GPR137C: variants seen among roughly 807,000 people sequenced by gnomAD.
GPR137C encodes the protein G protein-coupled receptor 137C, also known as integral membrane protein GPR137C.
A neutral mutation model predicts 43.4 loss-of-function variants in GPR137C; 27 were observed. The observed-to-expected ratio is 0.62, with a 90% CI of 0.46 to 0.86. GPR137C has a LOEUF of 0.86. Among genes scored for constraint, GPR137C ranks in the 40% least tolerant of loss-of-function variants. GPR137C has a pLI of 0.00. For synonymous variants in GPR137C, 285 were observed against 226.9 expected, an observed-to-expected ratio of 1.26 and a Z score of -2.30; for missense variants, 522 against 534.6, an observed-to-expected ratio of 0.98 and a Z score of 0.23.
intron 4 of GPR137C, 38 bp downstream of exon 4, chr14:52,632,347 A>G (rs775611227): frequency 6.8e-6 from 10 of 1,469,832 alleles, no homozygotes. Context: ...TAACAATGTG[A>G]TAATTAACTT....
At chr14:52,629,749 T>G (rs764537522) in intron 3 of GPR137C, among the ~76,000 whole-genome samples, 2 of 152,170 alleles carry the variant, frequency 1.3e-5, no homozygotes, top group African/African-American at 2.4e-5. Flanking sequence ...TGGTGGAGAT[T>G]TGGGTTACAT....
chr14:52,624,768 A>G lies in GPR137C; in HGVS notation c.718-7392A>G, dbSNP rs374100100. 5.9e-5 allele frequency among the ~76,000 whole-genome samples: 9 copies of G among 152,134 alleles called. No individual in the cohort carries two copies. In the East Asian group the frequency reaches 1.7e-3, roughly 29 times the overall value. On this transcript the variant is annotated intron_variant, in intron 3 of 6. Transcript: ENST00000321662. ...ATAATAAAGATAAAAATAGAAATCAATGAAATAGGAAACAAAAAATGGAGA... is the reference window on the plus strand; with the variant it reads ...ATAATAAAGATAAAAATAGAAATCAGTGAAATAGGAAACAAAAAATGGAGA...
intron 1 of GPR137C, among the ~76,000 whole-genome samples, chr14:52,571,745 AAGATC>A (rs1348564482): frequency 6.6e-6 from 1 of 152,200 alleles, no homozygotes; most frequent in East Asian, 1.9e-4. Context: ...AGAAATAACT[AAGATC>A]AGAGCAGAAC....
Position 52,553,685 on chromosome 14 carries a change from C to T in GPR137C, c.444+94C>T, listed in dbSNP as rs915048021. The stretch of plus-strand genomic sequence containing the variant: ...AGGACCAGCGGGGGCGGGGGGTGGG[C>T]AGCGAGAGGCGGACTGGAAACCAGC... On this transcript the variant is annotated intron_variant, in intron 1 of 6. Transcript: ENST00000321662. 1.9e-5 allele frequency: 18 copies of T among 961,158 alleles called. No homozygotes were observed. The African/African-American group carries it at 2.0e-4, about 11-fold the overall frequency. The allele number at this position is 961,158 out of a possible 1,614,324, so 59.5% of individuals were successfully genotyped here.
intron 3 of GPR137C, among the ~76,000 whole-genome samples, chr14:52,626,703 C>T (rs2039231081): frequency 1.3e-5 from 2 of 151,952 alleles, no homozygotes; most frequent in South Asian, 4.1e-4. Context: ...TTGCAGATAA[C>T]AATTGTTTAA....
At chr14:52,568,592 A>C (rs1249197581) in intron 1 of GPR137C, among the ~76,000 whole-genome samples, 1 of 152,108 alleles carries the variant, frequency 6.6e-6, no homozygotes, top group Non-Finnish European at 1.5e-5. Flanking sequence ...GACCTGAGAC[A>C]CTGGAGCTTG....
At chr14:52,563,880 C>G (rs1451727584) in intron 1 of GPR137C, among the ~76,000 whole-genome samples, 4 of 152,246 alleles carry the variant, frequency 2.6e-5, no homozygotes, top group Non-Finnish European at 5.9e-5. Context: ...TTGACTAGTC[C>G]ATGGCAGTTA....
chr14:52,621,044 A>G (rs529375889), intron 3 of GPR137C, among the ~76,000 whole-genome samples: 3 of 152,054 alleles, frequency 2.0e-5, no homozygotes, highest in East Asian at 3.9e-4. Context: ...CATAAATTAT[A>G]AATTTATGTC....
chr14:52,557,053 A>G (rs1456991648), intron 1 of GPR137C, among the ~76,000 whole-genome samples: 3 of 152,182 alleles, frequency 2.0e-5, no homozygotes, highest in Non-Finnish European at 2.9e-5. Context: ...TAATACTTCA[A>G]ATAACATGCA....
rs929543125 is a variant in GPR137C, at chr14:52,553,088, G to C, written c.-60G>C. 9 of 959,230 alleles carry C rather than the reference G, an allele frequency of 9.4e-6. No individual in the cohort carries two copies. Among genetic ancestry groups the C allele is most frequent in the Non-Finnish European group, 1.2e-5 (9 of 770,014 alleles). The allele number at this position is 959,230 out of a possible 1,614,324, so 59.4% of individuals were successfully genotyped here. A position where few individuals can be genotyped will look rare whatever the true frequency, so the allele number is the denominator to read the frequency against. ...GGGGGCAGTCCTTCTCCCCTTCGACGGCGGCTCCGAGTCCAGCCCCTTCCT... is the reference window on the plus strand; with the variant it reads ...GGGGGCAGTCCTTCTCCCCTTCGACCGCGGCTCCGAGTCCAGCCCCTTCCT... On this transcript the variant is annotated 5_prime_UTR_variant, in exon 1 of 7. Transcript: ENST00000321662.
chr14:52,580,034 T>C (rs1566609420), intron 1 of GPR137C, among the ~76,000 whole-genome samples: 1 of 152,186 alleles, frequency 6.6e-6, no homozygotes, highest in African/African-American at 2.4e-5. Context: ...AGGCCAACTT[T>C]ATAAGCAGTC....
chr14:52,630,202 T>G (rs1280887145), intron 3 of GPR137C, among the ~76,000 whole-genome samples: 1 of 152,200 alleles, frequency 6.6e-6, no homozygotes, highest in Non-Finnish European at 1.5e-5. Flanking sequence ...CATTATTGCT[T>G]CTTTGCTCTT....
At chr14:52,609,910 C>G (rs1442992604) in intron 3 of GPR137C, among the ~76,000 whole-genome samples, 1 of 152,170 alleles carries the variant, frequency 6.6e-6, no homozygotes, top group Non-Finnish European at 1.5e-5. Flanking sequence ...ATTCCCCTAC[C>G]ACTATCACTC....
intron 3 of GPR137C, among the ~76,000 whole-genome samples, chr14:52,609,552 A>T (rs1303705676): frequency 6.6e-6 from 1 of 152,190 alleles, no homozygotes; most frequent in Non-Finnish European, 1.5e-5. Context: ...GGCCTTCTTC[A>T]GAGGGCCTTC....
chr14:52,570,930 C>A (rs1055002310), intron 1 of GPR137C, among the ~76,000 whole-genome samples: 2 of 152,088 alleles, frequency 1.3e-5, no homozygotes, highest in African/African-American at 4.8e-5. Context: ...GACAGATTAA[C>A]GAAACAGAAA....
intron 3 of GPR137C, among the ~76,000 whole-genome samples, chr14:52,603,372 A>G (rs2038948510): frequency 1.3e-5 from 2 of 152,144 alleles, no homozygotes; most frequent in Admixed American, 6.6e-5. Context: ...TTGATTCCAT[A>G]TCTTGGCTAT....
Position 52,637,644 on chromosome 14 carries a change from G to A in GPR137C, c.*2529G>A, listed in dbSNP as rs2039368157. 6.6e-6 allele frequency: 1 copy of A among 152,086 alleles called. No homozygotes were observed. The allele number at this position is 152,086 out of a possible 1,614,324, so 9.4% of individuals were successfully genotyped here. On this transcript the variant is annotated 3_prime_UTR_variant, in exon 7 of 7. Coordinates refer to ENST00000321662, the MANE Select transcript of GPR137C (RefSeq NM_001099652.2). ...AAAAGTATAGCTGTGGCCAATGAAT[G>A]TATTTATTTGTTGTTTCACTAAATT...
intron 1 of GPR137C, among the ~76,000 whole-genome samples, chr14:52,581,015 A>C (rs1004574229): frequency 6.6e-6 from 1 of 151,054 alleles, no homozygotes; most frequent in African/African-American, 2.4e-5. Context: ...CCTGGCCAAC[A>C]TGGCAAAACC....
chr14:52,618,655 C>T (rs1214029611), intron 3 of GPR137C, among the ~76,000 whole-genome samples: 1 of 151,786 alleles, frequency 6.6e-6, no homozygotes, highest in Non-Finnish European at 1.5e-5. Flanking sequence ...TGCTTTTTAT[C>T]AGAATTATAA....
Sources: allele counts gnomAD v4.1 joint callset (sites outside exome capture counted in the v4.1 genomes callset), GRCh38; gene constraint gnomAD v4.1.1; transcripts MANE v1.5; gene names NCBI Gene and HGNC (gene_info 2026-07-23, HGNC 2026-07-21).